Variants in GCC2 observed in about 807,000 individuals in gnomAD.
GCC2 encodes GRIP and coiled-coil domain containing 2.
Under a neutral mutation model 210.6 loss-of-function variants are expected in GCC2, and 120 were observed. The ratio of observed to expected loss-of-function variants is 0.57; its 90% confidence interval spans 0.49 to 0.66. GCC2 has a LOEUF of 0.66. Ranked by LOEUF, GCC2 falls within the 30% of genes least tolerant of loss-of-function variation. The pLI is 0.00. For missense variants in GCC2, 1,868 were observed against 1,871.9 expected, an observed-to-expected ratio of 1.00 and a Z score of 0.04; for synonymous variants, 703 against 652.7, an observed-to-expected ratio of 1.08 and a Z score of -1.17.
intron 18 of GCC2, 150 bp from the exon 19 acceptor site, chr2:108,492,423 A>G (rs534356426): frequency 2.7e-5 from 17 of 619,502 alleles, no homozygotes; most frequent in Non-Finnish European, 3.5e-5. Context: ...TTATTTCACA[A>G]TGAGTACAGT....
intron 4 of GCC2, among the ~76,000 whole-genome samples, chr2:108,457,295 T>TA: frequency 6.6e-6 from 1 of 152,324 alleles, no homozygotes; most frequent in Middle Eastern, 3.4e-3. Flanking sequence ...ATCGGTTGTG[T>TA]ATAAATATGA....
chr2:108,471,013 A>C lies in GCC2; in HGVS notation c.1684A>C (p.Lys562Gln), dbSNP rs1167781340. The change falls in exon 6 of 23, where the codon AAG (lysine) becomes CAG (glutamine). Residue 562 changes from lysine to glutamine, a missense_variant. Around this residue, in one of 3 missense-constraint regions of GCC2, gnomAD observed 1,847 missense variants for 1,765.2 expected, o/e 1.05. Coordinates refer to ENST00000309863, the MANE Select transcript of GCC2 (RefSeq NM_181453.4). ...ELVPELENTI[K>Q]NLQEKNGVYL... Reference sequence around the variant, plus strand: ...GGTACCAGAACTTGAAAATACCATAAAGAACCTTCAAGAAAAGAATGGAGT... The same window carrying C: ...GGTACCAGAACTTGAAAATACCATACAGAACCTTCAAGAAAAGAATGGAGT... The C allele has an allele frequency of 8.7e-6, 14 of 1,611,528 alleles. No individual in the cohort carries two copies. The highest frequency in any genetic ancestry group is 1.2e-5 in the Non-Finnish European group (14 of 1,178,206).
intron 9 of GCC2, among the ~76,000 whole-genome samples, chr2:108,479,178 T>C (rs993133622): frequency 6.6e-6 from 1 of 151,060 alleles, no homozygotes; most frequent in African/African-American, 2.4e-5. Context: ...AAATAAAAAA[T>C]AAGCCAGATT....
At chr2:108,449,527 C>T (rs1352965058) in intron 1 of GCC2, 106 bp from the exon 2 acceptor site, 21 of 1,300,266 alleles carry the variant, frequency 1.6e-5, no homozygotes, top group Non-Finnish European at 2.2e-5. Flanking sequence ...CGAGGCTTTC[C>T]ACCACTTGAT....
chr2:108,453,427 TC>T (rs1434842318), intron 4 of GCC2, among the ~76,000 whole-genome samples: 1 of 152,214 alleles, frequency 6.6e-6, no homozygotes, highest in African/African-American at 2.4e-5. Context: ...GGGTTCTCTT[TC>T]TCTTTTTAGT....
intron 1 of GCC2, 61 bp downstream of exon 1, chr2:108,449,341 G>A: frequency 6.5e-7 from 1 of 1,532,226 alleles, no homozygotes; most frequent in Non-Finnish European, 8.8e-7. Flanking sequence ...TTGGGATGTG[G>A]GAGTGGGCCC....
intron 22 of GCC2, among the ~76,000 whole-genome samples, chr2:108,502,218 G>C (rs1410019275): frequency 3.3e-5 from 5 of 152,112 alleles, no homozygotes; most frequent in Non-Finnish European, 7.3e-5. Context: ...TAAAATTAAA[G>C]TTTTCAATAG....
Position 108,482,383 on chromosome 2 carries a change from C to A in GCC2, c.3277C>A (p.Gln1093Lys). Residue 1093 changes from glutamine to lysine, a missense_variant, in exon 11 of 23, where the codon CAG (glutamine) becomes AAG (lysine). Gln to Lys is a moderately conservative substitution (Grantham distance 53, BLOSUM62 1). Coordinates refer to ENST00000309863, the MANE Select transcript of GCC2 (RefSeq NM_181453.4). ...ATTAGAAGTACAGATTTTAGAAGTC[C>A]AGAGAGCCAAAGCAATGGTAGACAA... ...KLLEVQILEVQRAKAMVDKEL... is the reference protein window; with the variant it reads ...KLLEVQILEVKRAKAMVDKEL... The A allele has an allele frequency of 2.5e-6, 4 of 1,584,128 alleles. No homozygotes were observed. The highest frequency in any genetic ancestry group is 3.5e-6 in the Non-Finnish European group (4 of 1,153,394).
At chr2:108,489,382 GT>G (rs1450827817) in intron 17 of GCC2, among the ~76,000 whole-genome samples, 1 of 152,132 alleles carries the variant, frequency 6.6e-6, no homozygotes, top group Non-Finnish European at 1.5e-5. Flanking sequence ...GAGCGTGGTG[GT>G]GGGTGCCTGT....
intron 22 of GCC2, 145 bp from the exon 23 acceptor site, chr2:108,507,415 C>CA: frequency 8.2e-6 from 3 of 365,982 alleles, no homozygotes; most frequent in Admixed American, 4.8e-5. Flanking sequence ...ACCCCCCCCC[C>CA]CAAAAAAAAG....
chr2:108,479,954 C>T (rs1681753846), intron 9 of GCC2, among the ~76,000 whole-genome samples: 1 of 143,934 alleles, frequency 6.9e-6, no homozygotes, highest in Non-Finnish European at 1.5e-5. Context: ...TGCACTCCAG[C>T]CTGGCGACAG....
Position 108,491,589 on chromosome 2 carries a change from T to C in GCC2, c.4230-984T>C, listed in dbSNP as rs527379536. Among the ~76,000 whole-genome samples, 32 of 152,174 alleles carry C rather than the reference T, an allele frequency of 2.1e-4. 1 individual carries two copies. The highest frequency in any genetic ancestry group is 3.9e-4 in the East Asian group (2 of 5,180). ...GCATGTGTGTAGCAGGTAGAAAAAA[T>C]ATCTTGGAAAAGTACAGACTAAACT... is the stretch of plus-strand genomic sequence containing the variant. On this transcript the variant is annotated intron_variant, in intron 18 of 22. Coordinates refer to ENST00000309863, the MANE Select transcript of GCC2 (RefSeq NM_181453.4).
chr2:108,495,519 T>A, intron 20 of GCC2, 34 bp downstream of exon 20: 1 of 1,389,100 alleles, frequency 7.2e-7, no homozygotes, highest in South Asian at 1.2e-5. Context: ...TTTTTCTTAT[T>A]TAATTTCACT....
intron 21 of GCC2, among the ~76,000 whole-genome samples, chr2:108,497,829 A>G (rs1216190710): frequency 6.6e-6 from 1 of 152,194 alleles, no homozygotes; most frequent in South Asian, 2.1e-4. Context: ...CCTGGGCTCT[A>G]CATACGTTAT....
Position 108,508,959 on chromosome 2 carries a change from T to C in GCC2, c.*1329T>C, listed in dbSNP as rs1384586693. On this transcript the variant is annotated 3_prime_UTR_variant, in exon 23 of 23. Transcript: ENST00000309863. ...ACTTTGGTTACACAGAACATTGGTT[T>C]CCAATTCAGTTTAACTGAAATTTGC... 6.5e-6 allele frequency: 1 copy of C among 152,678 alleles called. No individual in the cohort carries two copies. The highest frequency in any genetic ancestry group is 1.5e-5 in the Non-Finnish European group (1 of 68,048). 9.5% of individuals were successfully genotyped at this position (152,678 alleles called of 1,614,324 possible).
At chr2:108,455,532 C>G (rs926910269) in intron 4 of GCC2, among the ~76,000 whole-genome samples, 1 of 151,166 alleles carries the variant, frequency 6.6e-6, no homozygotes, top group Non-Finnish European at 1.5e-5. Flanking sequence ...TATATTTATA[C>G]GTATTCATGG....
chr2:108,500,145 A>G (rs1682846026), intron 22 of GCC2, among the ~76,000 whole-genome samples: 1 of 106,296 alleles, frequency 9.4e-6, no homozygotes, highest in Admixed American at 1.1e-4. Context: ...AAATAGCCTA[A>G]GACAATGCAG....
At chr2:108,495,981 G>C (rs1366952267) in intron 20 of GCC2, 1 of 153,678 alleles carries the variant, frequency 6.5e-6, no homozygotes, top group Non-Finnish European at 1.4e-5. Context: ...CACCCTCACA[G>C]ACAACACTCA....
intron 2 of GCC2, 85 bp from the exon 3 acceptor site, chr2:108,450,943 T>C: frequency 1.2e-6 from 1 of 831,082 alleles, no homozygotes; most frequent in South Asian, 1.5e-5. Context: ...AGAATGTTTT[T>C]GTTTTCTAGC....
Sources: gnomAD v4.1 joint callset for allele counts (sites outside exome capture counted in the v4.1 genomes callset) on GRCh38, gnomAD v4.1.1 for gene constraint, gnomAD v4.1.1 regional missense constraint, MANE v1.5 for transcripts, NCBI Gene and HGNC (gene_info 2026-07-23, HGNC 2026-07-21) for gene names.